Variants in USP14 observed in about 807,000 individuals in gnomAD.
The protein encoded by USP14 is ubiquitin carboxyl-terminal hydrolase 14.
Under a neutral mutation model 76.5 loss-of-function variants are expected in USP14, and 38 were observed. The ratio of observed to expected loss-of-function variants is 0.50; its 90% confidence interval spans 0.38 to 0.65. The LOEUF (loss-of-function observed/expected upper bound fraction) is 0.65, where lower values mean the gene tolerates loss of function less well. USP14 is among the 30% of genes least tolerant of loss of function. The probability of loss-of-function intolerance (pLI) is 0.00; values close to 1 mark genes in which losing one functional copy is unlikely to be tolerated. For missense variants in USP14, 467 were observed against 586.5 expected (o/e 0.80, Z 2.10); for synonymous variants, 192 against 191.7 (o/e 1.00, Z -0.01).
chr18:213,479 C>G lies in USP14; in HGVS notation c.*2195C>G, dbSNP rs1358836650. 6.6e-6 allele frequency: 1 copy of G among 152,258 alleles called. No individual in the cohort carries two copies. Among genetic ancestry groups the G allele is most frequent in the African/African-American group, 2.4e-5 (1 of 41,314 alleles). 9.4% of individuals were successfully genotyped at this position (152,258 alleles called of 1,614,324 possible). A position where few individuals can be genotyped will look rare whatever the true frequency, so the allele number is the denominator to read the frequency against. ...CTAATAAGGCTATTTTAGAATTCAG[C>G]CTTGCCTGTAAGGTCTTTGAGAAGG... On this transcript the variant is annotated 3_prime_UTR_variant, in exon 16 of 16. Transcript: ENST00000261601.
At chr18:187,057 T>C (rs1198714761) in intron 5 of USP14, among the ~76,000 whole-genome samples, 1 of 152,178 alleles carries the variant, frequency 6.6e-6, no homozygotes, top group African/African-American at 2.4e-5. Context: ...TCTGTACATA[T>C]TCATCAATGT....
intron 3 of USP14, among the ~76,000 whole-genome samples, chr18:168,192 C>T (rs966559524): frequency 2.0e-5 from 3 of 152,046 alleles, no homozygotes; most frequent in Non-Finnish European, 4.4e-5. Flanking sequence ...TCCCAGAGTG[C>T]TAGGATTACA....
chr18:191,590 C>G (rs576116838), intron 5 of USP14, among the ~76,000 whole-genome samples: 6 of 152,240 alleles, frequency 3.9e-5, no homozygotes, highest in African/African-American at 1.4e-4. Flanking sequence ...CTTATCCTCT[C>G]CACCCCCTTC....
intron 8 of USP14, 45 bp downstream of exon 8, chr18:197,741 A>T: frequency 1.5e-6 from 2 of 1,299,558 alleles, no homozygotes; most frequent in Non-Finnish European, 2.1e-6. Flanking sequence ...TTATACCTTG[A>T]TTTTTTTTTT....
chr18:167,549 A>G (rs1276960170), intron 3 of USP14, among the ~76,000 whole-genome samples: 2 of 152,052 alleles, frequency 1.3e-5, no homozygotes, highest in Admixed American at 6.5e-5. Flanking sequence ...ACTCTCACGT[A>G]TGCCGGAGCA....
At chr18:209,429 C>A (rs942934814) in intron 13 of USP14, among the ~76,000 whole-genome samples, 11 of 152,292 alleles carry the variant, frequency 7.2e-5, no homozygotes, top group African/African-American at 2.4e-4. Context: ...TGAGTTGAAG[C>A]AGTGAGTTCC....
chr18:191,145 C>G (rs1910074027), intron 5 of USP14, among the ~76,000 whole-genome samples: 1 of 151,970 alleles, frequency 6.6e-6, no homozygotes, highest in South Asian at 2.1e-4. Context: ...ATTTTAATTT[C>G]AAAAATGCCT....
chr18:211,171 G>GT lies in USP14; in HGVS notation c.1373dup (p.Thr459AsnfsTer28), dbSNP rs1567838158. ...GTTTGATGATGACAAAGTCAGCATC[G>GT]TAACACCAGAAGATATCTTACGGCT... On this transcript the variant is annotated frameshift_variant, in exon 16 of 16. Transcript: ENST00000261601. LOFTEE classifies it high-confidence loss of function. 1 of 1,613,884 alleles carries GT rather than the reference G, an allele frequency of 6.2e-7. No homozygotes were observed.
chr18:187,932 A>G (rs1181102500), intron 5 of USP14, among the ~76,000 whole-genome samples: 1 of 152,196 alleles, frequency 6.6e-6, no homozygotes, highest in South Asian at 2.1e-4. Context: ...CATATTTTCT[A>G]TTAGTATTTG....
intron 1 of USP14, among the ~76,000 whole-genome samples, chr18:162,067 G>C (rs1909135613): frequency 6.6e-6 from 1 of 152,166 alleles, no homozygotes. Flanking sequence ...GCATGTATAA[G>C]AGTTTCTTTC....
Position 199,070 on chromosome 18 carries a change from G to A in USP14, c.762-132G>A, listed in dbSNP as rs189383743. 23 of 594,122 alleles carry A rather than the reference G, an allele frequency of 3.9e-5. No individual in the cohort carries two copies. In the African/African-American group the frequency reaches 4.3e-4, roughly 11 times the overall value. 36.8% of individuals were successfully genotyped at this position (594,122 alleles called of 1,614,324 possible). A position where few individuals can be genotyped will look rare whatever the true frequency, so the allele number is the denominator to read the frequency against. Reference sequence around the variant, plus strand: ...TCTTAAGTATGTTGAAATGAATCTTGGGAGACTAAAAGGTTTTAAATGCCA... The same window carrying A: ...TCTTAAGTATGTTGAAATGAATCTTAGGAGACTAAAAGGTTTTAAATGCCA... On this transcript the variant is annotated intron_variant, in intron 9 of 15. Coordinates refer to ENST00000261601, the MANE Select transcript of USP14 (RefSeq NM_005151.4).
chr18:203,318 T>G lies in USP14; in HGVS notation c.1035+128T>G, dbSNP rs78839044. 4.5e-4 allele frequency: 366 copies of G among 817,046 alleles called. 2 individuals carry two copies. The East Asian group carries it at 8.1e-3, about 18-fold the overall frequency. The allele number at this position is 817,046 out of a possible 1,614,324, so 50.6% of individuals were successfully genotyped here. Reference sequence around the variant, plus strand: ...TTGAAATATTTAGGGGAGCTAATATTAGACAAGTGATTCTTAACTCAGAAC... The same window carrying G: ...TTGAAATATTTAGGGGAGCTAATATGAGACAAGTGATTCTTAACTCAGAAC... On this transcript the variant is annotated intron_variant, in intron 12 of 15. Coordinates refer to ENST00000261601, the MANE Select transcript of USP14 (RefSeq NM_005151.4).
chr18:191,211 A>T (rs976472544), intron 5 of USP14, among the ~76,000 whole-genome samples: 3 of 152,194 alleles, frequency 2.0e-5, no homozygotes, highest in African/African-American at 7.2e-5. Flanking sequence ...TCAGGTTTTT[A>T]AAAATGAACA....
At chr18:203,262 C>A in intron 12 of USP14, 72 bp downstream of exon 12, 1 of 1,366,454 alleles carries the variant, frequency 7.3e-7, no homozygotes, top group Non-Finnish European at 1.0e-6. Flanking sequence ...CAATTGCTTT[C>A]ATTATTCCTT....
At chr18:175,060 A>G (rs562100301) in intron 3 of USP14, among the ~76,000 whole-genome samples, 1 of 152,280 alleles carries the variant, frequency 6.6e-6, no homozygotes, top group Admixed American at 6.5e-5. Flanking sequence ...AGCGTGAGCC[A>G]CTGCACCCAG....
Position 163,342 on chromosome 18 carries a change from T to C in USP14, c.51T>C (p.Gly17=). The C allele has an allele frequency of 6.2e-7, 1 of 1,613,094 alleles. No homozygotes were observed. The highest frequency in any genetic ancestry group is 8.5e-7 in the Non-Finnish European group (1 of 1,179,558). Residue 17 remains glycine, a synonymous_variant, in exon 2 of 16, where the codon GGT becomes GGC. Coordinates refer to ENST00000261601, the MANE Select transcript of USP14 (RefSeq NM_005151.4). The part of the protein sequence containing the change: ...TVKWGKEKFE[G]VELNTDEPPM... ...AATGGGGAAAGGAGAAATTTGAAGGTGTAGAATTGAATACAGATGAACCTC... is the reference window on the plus strand; with the variant it reads ...AATGGGGAAAGGAGAAATTTGAAGGCGTAGAATTGAATACAGATGAACCTC...
chr18:167,023 T>C (rs992869576), intron 3 of USP14, among the ~76,000 whole-genome samples: 7 of 152,196 alleles, frequency 4.6e-5, no homozygotes, highest in Non-Finnish European at 7.4e-5. Flanking sequence ...GTTTCATTGA[T>C]CTAGTAGATT....
At chr18:171,020 AAAAAAAT>A (rs961761540) in intron 3 of USP14, among the ~76,000 whole-genome samples, 9 of 91,466 alleles carry the variant, frequency 9.8e-5, no homozygotes, top group African/African-American at 2.4e-4. Flanking sequence ...AAAAAAAAAA[AAAAAAAT>A]ATATATATAT....
intron 5 of USP14, among the ~76,000 whole-genome samples, chr18:186,232 C>T (rs1909926253): frequency 6.6e-6 from 1 of 152,080 alleles, no homozygotes; most frequent in African/African-American, 2.4e-5. Flanking sequence ...GAGGCTGAAT[C>T]TATAGCTTGA....
Sources: gnomAD v4.1 joint callset for allele counts (sites outside exome capture counted in the v4.1 genomes callset) on GRCh38, gnomAD v4.1.1 for gene constraint, MANE v1.5 for transcripts, NCBI Gene and HGNC (gene_info 2026-07-23, HGNC 2026-07-21) for gene names.